YLPM1: variants seen among roughly 807,000 people sequenced by gnomAD.
YLPM1 encodes YLP motif containing 1, also known as YLP motif-containing protein 1.
A neutral mutation model predicts 230.0 loss-of-function variants in YLPM1; 99 were observed. That is an observed-to-expected ratio of 0.43 (90% CI 0.37 to 0.51). The LOEUF (loss-of-function observed/expected upper bound fraction) is 0.51, where lower values mean the gene tolerates loss of function less well. Ranked by LOEUF, YLPM1 falls within the 20% of genes least tolerant of loss-of-function variation. The pLI is 0.00. For synonymous variants in YLPM1, 984 were observed against 942.5 expected, an observed-to-expected ratio of 1.04 and a Z score of -0.81; for missense variants, 2,592 against 2,707.7, an observed-to-expected ratio of 0.96 and a Z score of 0.95.
chr14:74,815,326 C>G (rs991719668), intron 11 of YLPM1, among the ~76,000 whole-genome samples: 1 of 152,134 alleles, frequency 6.6e-6, no homozygotes, highest in Non-Finnish European at 1.5e-5. Context: ...CTTTGGGAGG[C>G]TGAGGTGGGC....
At chr14:74,779,134 G>A (rs1244432878) in intron 2 of YLPM1, among the ~76,000 whole-genome samples, 1 of 152,038 alleles carries the variant, frequency 6.6e-6, no homozygotes, top group Non-Finnish European at 1.5e-5. Flanking sequence ...GAGCCACCAT[G>A]CCTGGCCTGT....
At chr14:74,768,321 C>G (rs1228510858) in intron 1 of YLPM1, among the ~76,000 whole-genome samples, 2 of 152,164 alleles carry the variant, frequency 1.3e-5, no homozygotes, top group Non-Finnish European at 2.9e-5. Flanking sequence ...GAAATCTCGG[C>G]TCACTGCAAC....
intron 12 of YLPM1, 32 bp from the exon 13 acceptor site, chr14:74,816,539 C>T (rs376242009): frequency 2.5e-5 from 39 of 1,579,966 alleles, no homozygotes; most frequent in Admixed American, 2.3e-4. Context: ...TCCATAAATT[C>T]GTTTTAACCT....
intron 6 of YLPM1, among the ~76,000 whole-genome samples, chr14:74,805,949 A>T (rs1594832039): frequency 1.3e-5 from 2 of 148,762 alleles, no homozygotes; most frequent in Non-Finnish European, 3.0e-5. Flanking sequence ...CAGGTGATCC[A>T]CCTGCCTCAG....
At chr14:74,820,514 C>G (rs1260471982) in intron 16 of YLPM1, among the ~76,000 whole-genome samples, 2 of 152,126 alleles carry the variant, frequency 1.3e-5, no homozygotes, top group Non-Finnish European at 2.9e-5. Context: ...TCACAAAGTG[C>G]TGGGATTATA....
chr14:74,796,074 T>G (rs184703202), intron 4 of YLPM1, among the ~76,000 whole-genome samples: 1 of 152,188 alleles, frequency 6.6e-6, no homozygotes, highest in African/African-American at 2.4e-5. Context: ...GCAAGAGATA[T>G]TGAGAAAGAG....
rs113231747 is a variant in YLPM1, at chr14:74,769,851, ACC to A, written c.873+5499_873+5500del. Reference sequence around the variant, plus strand: ...GCCAGCCTGGGCAACAAAGTGAGACACCCCCCCCCCCGCCCCCCGCCCACAAA... The same window carrying A: ...GCCAGCCTGGGCAACAAAGTGAGACACCCCCCCCCGCCCCCCGCCCACAAA... On this transcript the variant is annotated intron_variant, in intron 1 of 20. Transcript: ENST00000325680. 7.5e-3 allele frequency among the ~76,000 whole-genome samples: 578 copies of A among 76,760 alleles called. 10 individuals carry two copies. The highest frequency in any genetic ancestry group is 0.024 in the African/African-American group (496 of 21,084). The allele number at this position is 76,760 out of a possible 152,430, so 50.4% of individuals were successfully genotyped here.
intron 19 of YLPM1, among the ~76,000 whole-genome samples, chr14:74,833,412 C>G (rs912314721): frequency 9.9e-5 from 15 of 152,006 alleles, no homozygotes; most frequent in Admixed American, 9.8e-4. Flanking sequence ...CACACCATGC[C>G]CAGCTAATTT....
At chr14:74,803,343 G>GT (rs1449932632) in intron 6 of YLPM1, among the ~76,000 whole-genome samples, 2 of 152,212 alleles carry the variant, frequency 1.3e-5, no homozygotes, top group African/African-American at 4.8e-5. Context: ...CTTTAAGCCA[G>GT]TAATGGGCTT....
chr14:74,816,095 T>C, intron 11 of YLPM1, 108 bp from the exon 12 acceptor site: 4 of 920,778 alleles, frequency 4.3e-6, no homozygotes, highest in Non-Finnish European at 6.5e-6. Context: ...TTTCATGGCC[T>C]GTTGTATAGT....
At chr14:74,801,944 T>C (rs1458290077) in intron 5 of YLPM1, among the ~76,000 whole-genome samples, 1 of 151,724 alleles carries the variant, frequency 6.6e-6, no homozygotes, top group Non-Finnish European at 1.5e-5. Flanking sequence ...AGGCCGGGCG[T>C]GGTGGCTTAC....
At position 74,809,420 on chromosome 14, in the gene YLPM1, CACCAGGTT is replaced by C; in HGVS notation, c.4563_4570del (p.Pro1522AsnfsTer52). ...AGACCTCCCCCTCCTATGGGCAAAC[CACCAGGTT>C]CAATTGTAAGACCCTCTGCTCCACC... On this transcript the variant is annotated frameshift_variant, in exon 7 of 21. Coordinates refer to ENST00000325680, the MANE Select transcript of YLPM1 (RefSeq NM_019589.3). LOFTEE classifies it high-confidence loss of function. 6.2e-7 allele frequency: 1 copy of C among 1,608,428 alleles called. No individual in the cohort carries two copies. The highest frequency in any genetic ancestry group is 8.5e-7 in the Non-Finnish European group (1 of 1,177,112).
rs2091291908 is a variant in YLPM1, at chr14:74,798,779, A to G, written c.3482A>G (p.Asp1161Gly). 6.2e-7 allele frequency: 1 copy of G among 1,613,762 alleles called. No homozygotes were observed. Among genetic ancestry groups the G allele is most frequent in the African/African-American group, 1.3e-5 (1 of 74,894 alleles). The change falls in exon 5 of 21, where the codon GAT becomes GGT. Residue 1161 changes from aspartate (D) to glycine (G), a missense_variant. Asp to Gly is a moderately conservative substitution (Grantham distance 94, BLOSUM62 -1). Coordinates refer to ENST00000325680, the MANE Select transcript of YLPM1 (RefSeq NM_019589.3). ...CGAGAAAGGGGACTGGGAAGATCAG[A>G]TTTTGGTCGTGATAGAGGTCCATTC... is the stretch of plus-strand genomic sequence containing the variant. The part of the protein sequence containing the change: ...GSRERGLGRS[D>G]FGRDRGPFRP...
intron 6 of YLPM1, among the ~76,000 whole-genome samples, chr14:74,804,517 G>A (rs781325066): frequency 6.6e-5 from 10 of 152,074 alleles, no homozygotes; most frequent in African/African-American, 1.2e-4. Flanking sequence ...ATTCCTTTGC[G>A]TATGCATGTT....
Position 74,797,567 on chromosome 14 carries a change from G to T in YLPM1, c.2283-13G>T. 2 of 1,444,750 alleles carry T rather than the reference G, an allele frequency of 1.4e-6. No individual in the cohort carries two copies. The highest frequency in any genetic ancestry group is 2.5e-5 in the East Asian group (1 of 40,268). The allele number at this position is 1,444,750 out of a possible 1,614,324, so 89.5% of individuals were successfully genotyped here. On this transcript the variant is annotated splice_polypyrimidine_tract_variant and intron_variant, in intron 4 of 20. Transcript: ENST00000325680. ...TTTACTGTCTTGAGTAATATCTTTT[G>T]TTTTACTTGTAGATTTGATGGTCCT...
intron 17 of YLPM1, among the ~76,000 whole-genome samples, chr14:74,822,490 A>T (rs2091529776): frequency 6.6e-6 from 1 of 152,084 alleles, no homozygotes. Flanking sequence ...TTAAAATTCT[A>T]CCCTGCTGGA....
At chr14:74,795,514 A>G (rs1409777285) in intron 4 of YLPM1, among the ~76,000 whole-genome samples, 1 of 152,206 alleles carries the variant, frequency 6.6e-6, no homozygotes, top group African/African-American at 2.4e-5. Flanking sequence ...GAATCATCTT[A>G]AATTCTTCCC....
At position 74,763,561 on chromosome 14, in the gene YLPM1, A is replaced by G; in HGVS notation, c.72A>G (p.Pro24=). ...CGCCACCGGTCCCACCGCCGCCGCC[A>G]GTGGCGCTTCCTGAGGCCTCGCCGG... ...YPPPPVPPPP[P]VALPEASPGP... The change falls in exon 1 of 21, where the codon CCA becomes CCG. Residue 24 remains proline (P), a synonymous_variant. Coordinates refer to ENST00000325680, the MANE Select transcript of YLPM1 (RefSeq NM_019589.3). The G allele has an allele frequency of 6.4e-7, 1 of 1,556,012 alleles. No individual in the cohort carries two copies. The highest frequency in any genetic ancestry group is 1.2e-5 in the South Asian group (1 of 86,146).
rs1484740064 is a variant in YLPM1, at chr14:74,798,178, A to G, written c.2881A>G (p.Lys961Glu). 1.2e-6 allele frequency: 2 copies of G among 1,613,958 alleles called. No individual in the cohort carries two copies. Among genetic ancestry groups the G allele is most frequent in the South Asian group, 1.1e-5 (1 of 91,088 alleles). ...ACCTGCTCAATCTACTTTTCCTTCA[A>G]AAACAGGGGGGATGGAGGGAGGAAC... ...PVPAQSTFPS[K>E]TGGMEGGTAV... The change falls in exon 5 of 21, where the codon AAA (lysine) becomes GAA (glutamate). Residue 961 changes from lysine to glutamate, a missense_variant. Coordinates refer to ENST00000325680, the MANE Select transcript of YLPM1 (RefSeq NM_019589.3).
Sources: allele counts gnomAD v4.1 joint callset (sites outside exome capture counted in the v4.1 genomes callset), GRCh38; gene constraint gnomAD v4.1.1; transcripts MANE v1.5; gene names NCBI Gene and HGNC (gene_info 2026-07-23, HGNC 2026-07-21).